Variants in KIF5C observed in about 807,000 individuals in gnomAD.
KIF5C encodes the protein kinesin heavy chain isoform 5C.
KIF5C carries 18 observed loss-of-function variants against 125.2 expected under a neutral mutation model. The observed-to-expected ratio is 0.14, with a 90% CI of 0.10 to 0.21. The LOEUF is 0.21. Among genes scored for constraint, KIF5C ranks in the 10% least tolerant of loss-of-function variants. The probability of loss-of-function intolerance (pLI) is 1.00; values close to 1 mark genes in which losing one functional copy is unlikely to be tolerated. For synonymous variants in KIF5C, 405 were observed against 434.0 expected, an observed-to-expected ratio of 0.93 and a Z score of 0.83; for missense variants, 780 against 1,183.8, an observed-to-expected ratio of 0.66 and a Z score of 5.01.
chr2:148,902,321 AT>A (rs138423915), intron 1 of KIF5C, among the ~76,000 whole-genome samples: 267 of 144,212 alleles, frequency 1.9e-3, no homozygotes, highest in Non-Finnish European at 1.7e-3. Context: ...TGCCAGAAAC[AT>A]TTTTTTTTTT....
intron 1 of KIF5C, among the ~76,000 whole-genome samples, chr2:148,906,604 T>G (rs941132682): frequency 6.6e-6 from 1 of 151,658 alleles, no homozygotes; most frequent in Non-Finnish European, 1.5e-5. Context: ...CTGGTGCATG[T>G]CTGTAATTCC....
chr2:148,960,694 G>C (rs563952693), intron 10 of KIF5C, among the ~76,000 whole-genome samples: 44 of 152,340 alleles, frequency 2.9e-4, no homozygotes, highest in Non-Finnish European at 5.9e-4. Flanking sequence ...GACATCTGTA[G>C]TGCTGGTGAG....
At chr2:148,944,011 C>T (rs972558472) in intron 7 of KIF5C, among the ~76,000 whole-genome samples, 3 of 152,072 alleles carry the variant, frequency 2.0e-5, no homozygotes, top group Admixed American at 1.3e-4. Context: ...CTCTCATTTA[C>T]GTTATTCACT....
chr2:148,975,130 G>A (rs1681026960), intron 12 of KIF5C, among the ~76,000 whole-genome samples: 1 of 152,148 alleles, frequency 6.6e-6, no homozygotes, highest in East Asian at 1.9e-4. Context: ...GCTGTTGGAG[G>A]CTAGTATTTG....
intron 11 of KIF5C, among the ~76,000 whole-genome samples, chr2:148,970,624 G>A (rs1418387318): frequency 6.6e-6 from 1 of 152,196 alleles, no homozygotes; most frequent in African/African-American, 2.4e-5. Flanking sequence ...CTAGCTTGTT[G>A]AATCTCTGCC....
intron 19 of KIF5C, among the ~76,000 whole-genome samples, chr2:148,999,515 G>A (rs1019022533): frequency 6.6e-6 from 1 of 152,216 alleles, no homozygotes; most frequent in African/African-American, 2.4e-5. Flanking sequence ...CCCAGGCTCG[G>A]TGCCCAGTTC....
rs903154659 is a variant in KIF5C at position 149,026,544 on chromosome 2, C to CG, written c.*3480dup. The CG allele has an allele frequency of 2.6e-5, 4 of 152,346 alleles. No individual in the cohort carries two copies. Among genetic ancestry groups the CG allele is most frequent in the African/African-American group, 7.3e-5 (3 of 41,322 alleles). The allele number at this position is 152,346 out of a possible 1,614,324, so 9.4% of individuals were successfully genotyped here. On this transcript the variant is annotated 3_prime_UTR_variant, in exon 26 of 26. Transcript: ENST00000435030. The stretch of plus-strand genomic sequence containing the variant: ...TAAAAAAATTGTGGACAAACTTGTC[C>CG]GGGGGGTTTGAGGGGAGAATGGTGG...
At chr2:148,906,008 C>A (rs1012226540) in intron 1 of KIF5C, among the ~76,000 whole-genome samples, 1 of 152,120 alleles carries the variant, frequency 6.6e-6, no homozygotes, top group African/African-American at 2.4e-5. Flanking sequence ...CCACAGGGTA[C>A]CCCCATGACA....
At chr2:149,012,736 G>C (rs910552649) in intron 25 of KIF5C, among the ~76,000 whole-genome samples, 11 of 152,240 alleles carry the variant, frequency 7.2e-5, no homozygotes, top group Admixed American at 6.5e-4. Context: ...AGGGAAGGCG[G>C]AGGCAGCCCG....
chr2:148,998,652 G>A (rs1005317615), intron 19 of KIF5C, 143 bp downstream of exon 19: 19 of 1,335,326 alleles, frequency 1.4e-5, no homozygotes, highest in African/African-American at 1.5e-5. Flanking sequence ...CAGGCTGGGC[G>A]GGCTGCTTCC....
chr2:148,975,892 A>G (rs1681049480), intron 12 of KIF5C, among the ~76,000 whole-genome samples: 1 of 152,196 alleles, frequency 6.6e-6, no homozygotes, highest in Admixed American at 6.5e-5. Context: ...AGTTTCTAGT[A>G]CATTGCAGGT....
At chr2:148,938,226 G>T (rs772123799) in intron 4 of KIF5C, among the ~76,000 whole-genome samples, 9 of 152,174 alleles carry the variant, frequency 5.9e-5, no homozygotes, top group Non-Finnish European at 2.9e-5. Flanking sequence ...TGTGGAGGAT[G>T]AAGTGTGGAG....
intron 16 of KIF5C, among the ~76,000 whole-genome samples, chr2:148,991,918 A>G (rs1681536824): frequency 6.6e-6 from 1 of 152,028 alleles, no homozygotes; most frequent in Middle Eastern, 3.2e-3. Context: ...GCTTCAGAAA[A>G]CAGCAACCCA....
chr2:148,907,553 G>A (rs932662899), intron 1 of KIF5C, among the ~76,000 whole-genome samples: 2 of 152,222 alleles, frequency 1.3e-5, no homozygotes, highest in Non-Finnish European at 2.9e-5. Context: ...TGGAGCTTGT[G>A]GGAGCAGAGC....
chr2:148,998,301 G>A, intron 18 of KIF5C, 99 bp from the exon 19 acceptor site: 2 of 1,509,668 alleles, frequency 1.3e-6, no homozygotes, highest in Non-Finnish European at 1.8e-6. Flanking sequence ...TGACATCTGA[G>A]GGACACAGGG....
At chr2:148,952,813 G>A (rs542766939) in intron 10 of KIF5C, among the ~76,000 whole-genome samples, 7 of 152,286 alleles carry the variant, frequency 4.6e-5, no homozygotes, top group South Asian at 2.1e-4. Flanking sequence ...AAAAAAGTCC[G>A]TGACCGATGG....
At chr2:149,021,840 C>T (rs1382445291) in intron 25 of KIF5C, among the ~76,000 whole-genome samples, 1 of 151,832 alleles carries the variant, frequency 6.6e-6, no homozygotes, top group East Asian at 1.9e-4. Context: ...CTTGTCATCC[C>T]TGTCCCCATC....
chr2:148,894,533 A>G (rs1398486782), intron 1 of KIF5C, among the ~76,000 whole-genome samples: 1 of 152,174 alleles, frequency 6.6e-6, no homozygotes, highest in Non-Finnish European at 1.5e-5. Context: ...CCTTGAAATG[A>G]AAAGAAATAA....
At chr2:148,965,925 T>C (rs925921432) in intron 11 of KIF5C, among the ~76,000 whole-genome samples, 3 of 152,054 alleles carry the variant, frequency 2.0e-5, no homozygotes, top group Admixed American at 2.0e-4. Context: ...CCTTCCATGG[T>C]CTCCCCACGT....
Sources: gnomAD v4.1 joint callset for allele counts (sites outside exome capture counted in the v4.1 genomes callset) on GRCh38, gnomAD v4.1.1 for gene constraint, MANE v1.5 for transcripts, NCBI Gene and HGNC (gene_info 2026-07-23, HGNC 2026-07-21) for gene names.